Variants in ACVR1 observed in about 807,000 individuals in gnomAD.
The protein encoded by ACVR1 is activin receptor type-1.
Under a neutral mutation model 57.1 loss-of-function variants are expected in ACVR1, and 38 were observed. That is an observed-to-expected ratio of 0.67 (90% CI 0.51 to 0.87). The LOEUF (loss-of-function observed/expected upper bound fraction) is 0.87. Ranked by LOEUF, ACVR1 falls within the 40% of genes least tolerant of loss-of-function variation. ACVR1 has a pLI of 0.00. For missense variants in ACVR1, 463 were observed against 638.2 expected, an observed-to-expected ratio of 0.73 and a Z score of 2.96; for synonymous variants, 212 against 228.1, an observed-to-expected ratio of 0.93 and a Z score of 0.63.
intron 9 of ACVR1, among the ~76,000 whole-genome samples, chr2:157,742,521 G>A (rs1001640422): frequency 3.9e-5 from 6 of 152,126 alleles, no homozygotes; most frequent in Non-Finnish European, 7.4e-5. Flanking sequence ...AGGGGTGTCT[G>A]ATTTATACAA....
chr2:157,754,666 A>C (rs1324184141), intron 9 of ACVR1, among the ~76,000 whole-genome samples: 6 of 152,196 alleles, frequency 3.9e-5, no homozygotes, highest in African/African-American at 1.4e-4. Flanking sequence ...TCACAGCCGA[A>C]TTCTATCAGA....
chr2:157,752,334 C>A (rs568936367), intron 9 of ACVR1, among the ~76,000 whole-genome samples: 1 of 152,334 alleles, frequency 6.6e-6, no homozygotes, highest in African/African-American at 2.4e-5. Flanking sequence ...GACCTTCCCT[C>A]TGACATAGCC....
intron 1 of ACVR1, among the ~76,000 whole-genome samples, chr2:157,824,498 A>T (rs1559079125): frequency 1.3e-5 from 2 of 152,200 alleles, no homozygotes. Flanking sequence ...GCAACTTTGA[A>T]ATAAATATTA....
intron 1 of ACVR1, among the ~76,000 whole-genome samples, chr2:157,866,947 C>T (rs1008345031): frequency 6.6e-6 from 1 of 152,146 alleles, no homozygotes; most frequent in Non-Finnish European, 1.5e-5. Context: ...TCTCACCAAT[C>T]ACCAGTACAA....
chr2:157,808,077 C>A (rs965785675), intron 2 of ACVR1, among the ~76,000 whole-genome samples: 5 of 152,116 alleles, frequency 3.3e-5, no homozygotes, highest in African/African-American at 9.7e-5. Flanking sequence ...GACCTTCTCA[C>A]CCACCCCCAT....
intron 1 of ACVR1, among the ~76,000 whole-genome samples, chr2:157,873,550 C>T (rs918053740): frequency 6.6e-6 from 1 of 152,218 alleles, no homozygotes; most frequent in Non-Finnish European, 1.5e-5. Flanking sequence ...GAACAAGCCA[C>T]AGACTACAGC....
chr2:157,876,016 G>C lies in ACVR1; in HGVS notation c.-403C>G, dbSNP rs536771390. On this transcript the variant is annotated 5_prime_UTR_variant, in exon 1 of 11. Coordinates refer to ENST00000434821, the MANE Select transcript of ACVR1 (RefSeq NM_001111067.4). Reference sequence around the variant, plus strand: ...AGCGGAGCGGTGCGTGGGGCCGGGAGCTTCCCGGCCCTGGGGCCGGCGCGG... The same window carrying C: ...AGCGGAGCGGTGCGTGGGGCCGGGACCTTCCCGGCCCTGGGGCCGGCGCGG... Among the ~76,000 whole-genome samples, 7 of 147,740 alleles carry C rather than the reference G, an allele frequency of 4.7e-5. No individual in the cohort carries two copies. Among genetic ancestry groups the C allele is most frequent in the Non-Finnish European group, 7.5e-5 (5 of 66,656 alleles).
intron 9 of ACVR1, among the ~76,000 whole-genome samples, chr2:157,740,686 A>G (rs2105220146): frequency 6.6e-6 from 1 of 152,340 alleles, no homozygotes; most frequent in South Asian, 2.1e-4. Context: ...ATAAATGCAA[A>G]AGGAAACAAA....
At chr2:157,753,957 C>T (rs1685312791) in intron 9 of ACVR1, among the ~76,000 whole-genome samples, 1 of 152,158 alleles carries the variant, frequency 6.6e-6, no homozygotes, top group African/African-American at 2.4e-5. Flanking sequence ...CCAAAAGGAA[C>T]CTTCAAAACC....
chr2:157,741,339 A>G (rs966051231), intron 9 of ACVR1, among the ~76,000 whole-genome samples: 1 of 152,252 alleles, frequency 6.6e-6, no homozygotes, highest in Non-Finnish European at 1.5e-5. Context: ...GGCAGGAGGG[A>G]TAAAAGATGA....
chr2:157,763,791 T>A (rs1296744815), intron 8 of ACVR1, among the ~76,000 whole-genome samples: 2 of 152,224 alleles, frequency 1.3e-5, no homozygotes, highest in Non-Finnish European at 2.9e-5. Flanking sequence ...AATTGCTAGG[T>A]ATATACTGGT....
chr2:157,756,314 G>A (rs1685424065), intron 9 of ACVR1, among the ~76,000 whole-genome samples: 1 of 151,666 alleles, frequency 6.6e-6, no homozygotes, highest in Admixed American at 6.6e-5. Flanking sequence ...TAAATAGGTG[G>A]GACTTAATTA....
At chr2:157,825,873 A>C (rs1185880840) in intron 1 of ACVR1, among the ~76,000 whole-genome samples, 1 of 152,182 alleles carries the variant, frequency 6.6e-6, no homozygotes, top group African/African-American at 2.4e-5. Context: ...CACTTCTTCC[A>C]TTCCCCCAAC....
intron 3 of ACVR1, among the ~76,000 whole-genome samples, chr2:157,789,483 A>C (rs1449000484): frequency 1.3e-5 from 2 of 152,242 alleles, no homozygotes; most frequent in Non-Finnish European, 2.9e-5. Flanking sequence ...GATCACTGAC[A>C]GCCTAAAGAT....
rs1279751000 is a variant in ACVR1 at position 157,855,321 on chromosome 2, TATAC to T, written c.-183+20471_-183+20474del. 1.5e-3 allele frequency among the ~76,000 whole-genome samples: 166 copies of T among 109,378 alleles called. 4 individuals carry two copies. The highest frequency in any genetic ancestry group is 3.9e-3 in the South Asian group (11 of 2,852). 71.8% of individuals were successfully genotyped at this position (109,378 alleles called of 152,430 possible). ...GTGTGTGTGTGTGTATATATATATA[TATAC>T]ACACACACACACACACACACAAAAA... On this transcript the variant is annotated intron_variant, in intron 1 of 10. Transcript: ENST00000434821.
chr2:157,792,166 T>C (rs560161357), intron 3 of ACVR1, among the ~76,000 whole-genome samples: 2 of 152,070 alleles, frequency 1.3e-5, no homozygotes, highest in Admixed American at 1.3e-4. Flanking sequence ...GTCACCATCA[T>C]GTGCCCAAGA....
intron 9 of ACVR1, among the ~76,000 whole-genome samples, chr2:157,751,795 C>T (rs920744228): frequency 6.6e-6 from 1 of 152,194 alleles, no homozygotes; most frequent in Non-Finnish European, 1.5e-5. Flanking sequence ...GCAGCCACAG[C>T]AAGCCCCACC....
At chr2:157,861,531 A>G (rs1391447161) in intron 1 of ACVR1, among the ~76,000 whole-genome samples, 1 of 152,212 alleles carries the variant, frequency 6.6e-6, no homozygotes, top group Non-Finnish European at 1.5e-5. Flanking sequence ...TAAAATTCCC[A>G]GGTTTCTTGA....
chr2:157,750,682 C>T (rs1685151501), intron 9 of ACVR1, among the ~76,000 whole-genome samples: 2 of 151,636 alleles, frequency 1.3e-5, no homozygotes, highest in Admixed American at 1.3e-4. Context: ...ACACAAAGAA[C>T]ATGAAAAAAA....
Sources: allele counts gnomAD v4.1 joint callset (sites outside exome capture counted in the v4.1 genomes callset), GRCh38; gene constraint gnomAD v4.1.1; transcripts MANE v1.5; gene names NCBI Gene and HGNC (gene_info 2026-07-23, HGNC 2026-07-21).